Variants in MINDY4 observed in about 807,000 individuals in gnomAD.
The protein encoded by MINDY4 is probable ubiquitin carboxyl-terminal hydrolase MINDY-4.
Under a neutral mutation model 87.0 loss-of-function variants are expected in MINDY4, and 68 were observed. The ratio of observed to expected loss-of-function variants is 0.78; its 90% CI spans 0.64 to 0.96. The LOEUF is 0.96. MINDY4 is among the 40% of genes least tolerant of loss of function. The pLI is 0.00. For missense variants in MINDY4, 919 were observed against 928.2 expected (o/e 0.99, Z 0.13); for synonymous variants, 379 against 363.2 (o/e 1.04, Z -0.50).
chr7:30,891,236 A>G lies in MINDY4; in HGVS notation c.2226-721A>G, dbSNP rs1025425769. Among the ~76,000 whole-genome samples, 3 of 152,318 alleles carry G rather than the reference A, an allele frequency of 2.0e-5. No individual in the cohort carries two copies. In the South Asian group the frequency reaches 6.2e-4, roughly 32 times the overall value. ...TTTACGTAAACACTCCATCTGCTATAAATTTGATTCTTCTGAGTGTTTTTA... is the reference window on the plus strand; with the variant it reads ...TTTACGTAAACACTCCATCTGCTATGAATTTGATTCTTCTGAGTGTTTTTA... On this transcript the variant is annotated intron_variant, in intron 17 of 17. Coordinates refer to ENST00000265299, the MANE Select transcript of MINDY4 (RefSeq NM_032222.3).
chr7:30,882,566 G>A (rs1475750640), intron 16 of MINDY4, among the ~76,000 whole-genome samples: 2 of 152,222 alleles, frequency 1.3e-5, no homozygotes, highest in East Asian at 3.8e-4. Flanking sequence ...AGCAGTGAGT[G>A]GCATTAAGGG....
intron 9 of MINDY4, among the ~76,000 whole-genome samples, chr7:30,845,916 GT>G (rs1375206068): frequency 1.3e-5 from 2 of 152,242 alleles, no homozygotes; most frequent in African/African-American, 4.8e-5. Flanking sequence ...AGTACTTGGT[GT>G]TTTTCCACTT....
rs553244657 is a variant in MINDY4 at position 30,856,804 on chromosome 7, A to T, written c.1678-2453A>T. Reference sequence around the variant, plus strand: ...GAGCTTCGTGACTTCCCTAGGCAGCATGCAGAGCTGGTACAAGGGACTGGT... The same window carrying T: ...GAGCTTCGTGACTTCCCTAGGCAGCTTGCAGAGCTGGTACAAGGGACTGGT... On this transcript the variant is annotated intron_variant, in intron 12 of 17. Transcript: ENST00000265299. Among the ~76,000 whole-genome samples, 452 of 151,658 alleles carry T rather than the reference A, an allele frequency of 3.0e-3. 3 individuals are homozygous for T. The highest frequency in any genetic ancestry group is 0.011 in the African/African-American group (436 of 41,362).
chr7:30,814,916 A>G (rs146372588), intron 5 of MINDY4, among the ~76,000 whole-genome samples: 67 of 152,342 alleles, frequency 4.4e-4, no homozygotes, highest in African/African-American at 1.6e-3. Flanking sequence ...ACGCAGGGGA[A>G]TGCCTTATAA....
intron 1 of MINDY4, among the ~76,000 whole-genome samples, chr7:30,776,630 G>A (rs904430563): frequency 1.3e-5 from 2 of 152,144 alleles, no homozygotes; most frequent in Admixed American, 6.6e-5. Context: ...TGTTCCCTTC[G>A]TTTCACAGAT....
intron 9 of MINDY4, among the ~76,000 whole-genome samples, 186 bp downstream of exon 9, chr7:30,841,034 C>G (rs78017916): frequency 6.6e-6 from 1 of 152,072 alleles, no homozygotes; most frequent in African/African-American, 2.4e-5. Context: ...GACTTGTGCG[C>G]GTTTGTTTCT....
At chr7:30,779,496 A>T (rs999816836) in intron 2 of MINDY4, 1 of 152,222 alleles carries the variant, frequency 6.6e-6, no homozygotes, top group South Asian at 2.1e-4. Flanking sequence ...ATTTATCACA[A>T]TTTTTTAAAA....
intron 9 of MINDY4, among the ~76,000 whole-genome samples, chr7:30,845,666 G>A (rs911690814): frequency 2.6e-5 from 4 of 152,192 alleles, no homozygotes; most frequent in African/African-American, 4.8e-5. Context: ...GCCTGTGTGC[G>A]GGGTCTGCCT....
intron 15 of MINDY4, among the ~76,000 whole-genome samples, chr7:30,877,684 T>A (rs913171318): frequency 1.3e-5 from 1 of 75,838 alleles, no homozygotes; most frequent in Non-Finnish European, 2.1e-5. Flanking sequence ...CTTCTTCTTC[T>A]TTTTTTTTTT....
intron 6 of MINDY4, among the ~76,000 whole-genome samples, chr7:30,834,664 T>C (rs1473635264): frequency 6.6e-6 from 1 of 152,254 alleles, no homozygotes; most frequent in Non-Finnish European, 1.5e-5. Context: ...TTCTTTTCTG[T>C]TGCTAGTTTT....
In MINDY4 at chr7:30,791,366, A is replaced by G. The variant is rs753048755; in HGVS notation, c.865A>G (p.Ser289Gly). 1 of 1,614,132 alleles carries G rather than the reference A, an allele frequency of 6.2e-7. No homozygotes were observed. Among genetic ancestry groups the G allele is most frequent in the Non-Finnish European group, 8.5e-7 (1 of 1,180,024 alleles). Residue 289 changes from serine (S) to glycine (G), a missense_variant, in exon 5 of 18, where the codon AGC becomes GGC. Physicochemically the swap from Ser to Gly is moderately conservative, Grantham distance 56. Coordinates refer to ENST00000265299, the MANE Select transcript of MINDY4 (RefSeq NM_032222.3). ...TVERQKTTAS[S>G]PPHLPSKRLP... ...AGAAAGGCAGAAAACCACTGCCAGC[A>G]GCCCTCCCCATCTGCCCAGCAAACG...
rs757707897 is a variant in MINDY4, at chr7:30,791,513, A to G, written c.1012A>G (p.Met338Val). 91 of 1,613,898 alleles carry G rather than the reference A, an allele frequency of 5.6e-5. No homozygotes were observed. Among genetic ancestry groups the G allele is most frequent in the Non-Finnish European group, 7.5e-5 (89 of 1,179,944 alleles). Residue 338 changes from methionine (M) to valine (V), a missense_variant, in exon 5 of 18, where the codon ATG becomes GTG. Coordinates refer to ENST00000265299, the MANE Select transcript of MINDY4 (RefSeq NM_032222.3). ...CTACTTGCCTGGTGGTAATTCCAGGATGACCCAGGAGAGGCTGGAAAGAGC... is the reference window on the plus strand; with the variant it reads ...CTACTTGCCTGGTGGTAATTCCAGGGTGACCCAGGAGAGGCTGGAAAGAGC... ...KLYLPGGNSR[M>V]TQERLERAFK...
intron 6 of MINDY4, 45 bp from the exon 7 acceptor site, chr7:30,836,613 C>A: frequency 3.4e-6 from 5 of 1,464,828 alleles, no homozygotes; most frequent in Non-Finnish European, 4.8e-6. Context: ...TTCTGTTCTC[C>A]GTGAGTCATA....
In MINDY4 at chr7:30,782,137, C is replaced by T; in HGVS notation, c.344C>T (p.Thr115Ile). ...NKVPSRCSET[T>I]LVNIYDLSDE... ...GTGCCATCAAGATGCTCAGAGACTA[C>T]ACTGGTAAATATATATGACCTTTCA... The change falls in exon 3 of 18, where the codon ACA becomes ATA. Residue 115 changes from threonine to isoleucine, a missense_variant. Thr to Ile is a moderately conservative substitution (Grantham distance 89). Transcript: ENST00000265299. 3.7e-6 allele frequency: 6 copies of T among 1,614,116 alleles called. No individual in the cohort carries two copies. Among genetic ancestry groups the T allele is most frequent in the Middle Eastern group, 3.3e-4 (2 of 6,062 alleles).
At chr7:30,790,555 T>C (rs1242278265) in intron 4 of MINDY4, among the ~76,000 whole-genome samples, 1 of 152,030 alleles carries the variant, frequency 6.6e-6, no homozygotes, top group Non-Finnish European at 1.5e-5. Context: ...TAATTGGTTC[T>C]GCTTCCACCT....
chr7:30,864,795 G>A (rs532279149), intron 13 of MINDY4, among the ~76,000 whole-genome samples: 3 of 152,380 alleles, frequency 2.0e-5, no homozygotes, highest in Non-Finnish European at 4.4e-5. Flanking sequence ...AGCAGATGTG[G>A]GTTTGGGGTG....
At chr7:30,842,745 T>A (rs1789080751) in intron 9 of MINDY4, among the ~76,000 whole-genome samples, 1 of 152,174 alleles carries the variant, frequency 6.6e-6, no homozygotes, top group African/African-American at 2.4e-5. Flanking sequence ...CTTACGGAGA[T>A]AGGAAGGATG....
At chr7:30,778,631 A>G in intron 2 of MINDY4, 80 bp downstream of exon 2, 1 of 1,549,342 alleles carries the variant, frequency 6.5e-7, no homozygotes, top group South Asian at 1.1e-5. Context: ...CCTGCCAGTG[A>G]CAGGAGAGGC....
intron 9 of MINDY4, among the ~76,000 whole-genome samples, chr7:30,841,315 T>G (rs1789030695): frequency 6.6e-6 from 1 of 152,262 alleles, no homozygotes; most frequent in Admixed American, 6.5e-5. Context: ...ACATTAAGTG[T>G]TTGCACATGA....
Sources: gnomAD v4.1 joint callset for allele counts (sites outside exome capture counted in the v4.1 genomes callset) on GRCh38, gnomAD v4.1.1 for gene constraint, MANE v1.5 for transcripts, NCBI Gene and HGNC (gene_info 2026-07-23, HGNC 2026-07-21) for gene names.